Variants in TNNI3K observed in about 807,000 individuals in gnomAD.
The protein encoded by TNNI3K is TNNI3 interacting kinase, also known as serine/threonine-protein kinase TNNI3K.
A neutral mutation model predicts 114.5 loss-of-function variants in TNNI3K; 140 were observed. The ratio of observed to expected loss-of-function variants is 1.22; its 90% CI spans 1.07 to 1.41. TNNI3K has a LOEUF of 1.41. Ranked by LOEUF, TNNI3K falls within the 40% of genes most tolerant of loss-of-function variation. TNNI3K has a pLI of 0.00. For missense variants in TNNI3K, 1,125 were observed against 1,007.6 expected (o/e 1.12, Z -1.58); for synonymous variants, 347 against 347.5 (o/e 1.00, Z 0.02).
intron 20 of TNNI3K, among the ~76,000 whole-genome samples, chr1:74,453,458 G>A (rs1034145386): frequency 2.0e-5 from 3 of 152,098 alleles, no homozygotes; most frequent in South Asian, 2.1e-4. Context: ...CATTTACAAC[G>A]AGGAACGAAT....
intron 17 of TNNI3K, among the ~76,000 whole-genome samples, chr1:74,384,064 A>G (rs1251551844): frequency 6.6e-6 from 1 of 152,132 alleles, no homozygotes; most frequent in Non-Finnish European, 1.5e-5. Context: ...ATTTGGCCCC[A>G]CAAAACAGGA....
chr1:74,267,503 T>A (rs557943672), intron 4 of TNNI3K, among the ~76,000 whole-genome samples: 80 of 152,094 alleles, frequency 5.3e-4, no homozygotes, highest in African/African-American at 1.7e-3. Context: ...GCACTTTAAA[T>A]TCTTTGAGCC....
intron 9 of TNNI3K, among the ~76,000 whole-genome samples, chr1:74,345,168 G>A (rs1660939760): frequency 6.6e-6 from 1 of 152,064 alleles, no homozygotes; most frequent in South Asian, 2.1e-4. Context: ...AATATTAAAT[G>A]TGTACTGTTA....
intron 21 of TNNI3K, chr1:74,475,158 A>G (rs1358251584): frequency 2.4e-4 from 130 of 548,774 alleles, no homozygotes; most frequent in Non-Finnish European, 3.9e-5. Flanking sequence ...ACACACACAC[A>G]GTATTTTTAG....
intron 11 of TNNI3K, among the ~76,000 whole-genome samples, chr1:74,357,499 T>C (rs535728751): frequency 6.6e-6 from 1 of 152,304 alleles, no homozygotes; most frequent in East Asian, 1.9e-4. Flanking sequence ...ATATGGCACA[T>C]TGAAGTGTGA....
intron 19 of TNNI3K, 129 bp from the exon 20 acceptor site, chr1:74,439,361 G>T (rs888583792): frequency 4.9e-6 from 7 of 1,425,504 alleles, no homozygotes; most frequent in Non-Finnish European, 6.6e-6. Flanking sequence ...ATGTATGGAT[G>T]TTAATTTATA....
intron 4 of TNNI3K, among the ~76,000 whole-genome samples, chr1:74,255,271 G>C (rs1655205645): frequency 6.7e-6 from 1 of 150,042 alleles, no homozygotes; most frequent in African/African-American, 2.5e-5. Context: ...GGAGAATGGC[G>C]TGAACCCGGG....
Position 74,439,558 on chromosome 1 carries a change from C to A in TNNI3K, c.1947C>A (p.Phe649Leu). 1 of 1,613,544 alleles carries A rather than the reference C, an allele frequency of 6.2e-7. No individual in the cohort carries two copies. The highest frequency in any genetic ancestry group is 8.5e-7 in the Non-Finnish European group (1 of 1,179,686). The change falls in exon 20 of 25, where the codon TTC becomes TTA. Residue 649 changes from phenylalanine to leucine, a missense_variant. Physicochemically the swap from Phe to Leu is conservative, Grantham distance 22. Transcript: ENST00000326637. ...CTRYTIKADV[F>L]SYALCLWEIL... ...GGTACACCATCAAAGCAGATGTCTTCAGCTATGCTCTGTGTCTGTGGGAAA... is the reference window on the plus strand; with the variant it reads ...GGTACACCATCAAAGCAGATGTCTTAAGCTATGCTCTGTGTCTGTGGGAAA...
chr1:74,530,484 G>T (rs1646567288), intron 23 of TNNI3K, among the ~76,000 whole-genome samples: 1 of 152,062 alleles, frequency 6.6e-6, no homozygotes, highest in Non-Finnish European at 1.5e-5. Flanking sequence ...CGCTTAGCAG[G>T]TATGAAACAA....
In TNNI3K at chr1:74,275,667, G is replaced by C. The variant is rs536470685; in HGVS notation, c.444+3959G>C. Reference sequence around the variant, plus strand: ...AGATAAGCACAGTAAGGGACAGTGAGTAAAATGATAACATGAAACAAATTG... The same window carrying C: ...AGATAAGCACAGTAAGGGACAGTGACTAAAATGATAACATGAAACAAATTG... On this transcript the variant is annotated intron_variant, in intron 5 of 24. Transcript: ENST00000326637. Among the ~76,000 whole-genome samples, 13 of 152,200 alleles carry C rather than the reference G, an allele frequency of 8.5e-5. No individual in the cohort carries two copies. The South Asian group carries it at 2.3e-3, about 27-fold the overall frequency.
At position 74,439,529 on chromosome 1, in the gene TNNI3K, A is replaced by C. The variant is rs201335460; in HGVS notation, c.1918A>C (p.Thr640Pro). ...GGCTCCTGAGGTGTTCACGCAGTGC[A>C]CTCGGTACACCATCAAAGCAGATGT... ...WMAPEVFTQC[T>P]RYTIKADVFS... is the part of the protein sequence containing the mutation. The change falls in exon 20 of 25, where the codon ACT becomes CCT. Residue 640 changes from threonine (T) to proline (P), a missense_variant. Physicochemically the swap from Thr to Pro is conservative, Grantham distance 38. Coordinates refer to ENST00000326637, the MANE Select transcript of TNNI3K (RefSeq NM_015978.3). 6.2e-7 allele frequency: 1 copy of C among 1,613,414 alleles called. No individual in the cohort carries two copies.
chr1:74,500,838 G>A (rs558286924), intron 23 of TNNI3K, among the ~76,000 whole-genome samples: 26 of 151,776 alleles, frequency 1.7e-4, no homozygotes, highest in Middle Eastern at 3.4e-3. Flanking sequence ...TTTCATCTAT[G>A]AATCTAATTG....
At chr1:74,285,353 A>G (rs1359016714) in intron 5 of TNNI3K, among the ~76,000 whole-genome samples, 2 of 152,136 alleles carry the variant, frequency 1.3e-5, no homozygotes, top group Non-Finnish European at 2.9e-5. Context: ...CTTGCAAAAC[A>G]TGCTCTAAAT....
At chr1:74,374,662 C>T (rs191815859) in intron 17 of TNNI3K, 5 of 152,068 alleles carry the variant, frequency 3.3e-5, no homozygotes, top group Admixed American at 2.6e-4. Flanking sequence ...ACTCCATGTT[C>T]TGCTGGTGTG....
At chr1:74,455,362 T>G (rs72969845) in intron 20 of TNNI3K, among the ~76,000 whole-genome samples, 5,564 of 152,158 alleles carry the variant, frequency 0.037, 327 homozygotes, top group African/African-American at 0.13. Context: ...GAAATCCACA[T>G]ATAGTTCAGT....
In TNNI3K at chr1:74,464,675, A is replaced by G. The variant is rs756031030; in HGVS notation, c.2121+1125A>G. 2.5e-6 allele frequency: 4 copies of G among 1,597,426 alleles called. No homozygotes were observed. The African/African-American group carries it at 5.3e-5, about 21-fold the overall frequency. On this transcript the variant is annotated intron_variant, in intron 21 of 24. Transcript: ENST00000326637. Reference sequence around the variant, plus strand: ...AGTCATTACCCAGTCTCATCTGTGTACACAGAAACTCTTAAGAAGAAAAAT... The same window carrying G: ...AGTCATTACCCAGTCTCATCTGTGTGCACAGAAACTCTTAAGAAGAAAAAT...
At chr1:74,485,889 C>T (rs903818056) in intron 21 of TNNI3K, among the ~76,000 whole-genome samples, 1 of 152,128 alleles carries the variant, frequency 6.6e-6, no homozygotes, top group African/African-American at 2.4e-5. Flanking sequence ...CTGCCAACAA[C>T]CAATGCGCTT....
chr1:74,491,399 TA>T (rs1310272839), intron 22 of TNNI3K, among the ~76,000 whole-genome samples: 3 of 152,166 alleles, frequency 2.0e-5, no homozygotes, highest in Non-Finnish European at 4.4e-5. Flanking sequence ...TTTGTATTTT[TA>T]TTAGAGACGG....
intron 5 of TNNI3K, among the ~76,000 whole-genome samples, chr1:74,273,934 A>G (rs579070): frequency 0.99 from 150,588 of 151,956 alleles, 74,636 homozygotes; most frequent in Middle Eastern, 1. Context: ...CAAAATGAAT[A>G]TTTTTGTTGG....
Sources: allele counts gnomAD v4.1 joint callset (sites outside exome capture counted in the v4.1 genomes callset), GRCh38; gene constraint gnomAD v4.1.1; transcripts MANE v1.5; gene names NCBI Gene and HGNC (gene_info 2026-07-23, HGNC 2026-07-21).